The following NCOA3 variants were observed in gnomAD, a reference collection of about 807,000 sequenced individuals.
The protein encoded by NCOA3 is nuclear receptor coactivator 3, also known as CBP-interacting protein.
A neutral mutation model predicts 158.8 loss-of-function variants in NCOA3; 51 were observed. The observed-to-expected ratio is 0.32, with a 90% CI of 0.26 to 0.41. The LOEUF (loss-of-function observed/expected upper bound fraction) is 0.41, where lower values mean the gene tolerates loss of function less well. NCOA3 is among the 10% of genes least tolerant of loss of function. The probability of loss-of-function intolerance (pLI) is 1.00; values close to 1 mark genes in which losing one functional copy is unlikely to be tolerated. For missense variants in NCOA3, 1,510 were observed against 1,746.6 expected (o/e 0.86, Z 2.41); for synonymous variants, 537 against 592.4 (o/e 0.91, Z 1.36).
At chr20:47,573,315 C>T (rs1391026060) in intron 1 of NCOA3, among the ~76,000 whole-genome samples, 1 of 152,094 alleles carries the variant, frequency 6.6e-6, no homozygotes, top group Non-Finnish European at 1.5e-5. Context: ...ATTGCTTGAA[C>T]CCGGGAGGCG....
intron 1 of NCOA3, among the ~76,000 whole-genome samples, chr20:47,563,607 C>T (rs2085142281): frequency 6.6e-6 from 1 of 152,148 alleles, no homozygotes; most frequent in Non-Finnish European, 1.5e-5. Context: ...TGAGGCATGG[C>T]TGGGCACAGT....
intron 2 of NCOA3, among the ~76,000 whole-genome samples, chr20:47,587,076 A>G (rs1162023642): frequency 6.6e-6 from 1 of 152,058 alleles, no homozygotes; most frequent in African/African-American, 2.4e-5. Flanking sequence ...CCAGCTTTTT[A>G]TTGTGATGAT....
intron 1 of NCOA3, among the ~76,000 whole-genome samples, chr20:47,545,251 A>G (rs2084809579): frequency 7.1e-6 from 1 of 140,378 alleles, no homozygotes; most frequent in South Asian, 2.2e-4. Flanking sequence ...ATCTCGGCTC[A>G]CTGCAACCTC....
rs115261779 is a variant in NCOA3 at position 47,573,056 on chromosome 20, A to T, written c.-98-10127A>T. ...CTGATTAAGTTTACCATCTTATATG[A>T]GCACAGTGCATGGTGCCCCAAAACA... is the stretch of plus-strand genomic sequence containing the variant. On this transcript the variant is annotated intron_variant, in intron 1 of 22. Coordinates refer to ENST00000371998, the MANE Select transcript of NCOA3 (RefSeq NM_181659.3). 1.5e-3 allele frequency among the ~76,000 whole-genome samples: 222 copies of T among 152,320 alleles called. 2 individuals are homozygous for T. The highest frequency in any genetic ancestry group is 5.0e-3 in the African/African-American group (209 of 41,568).
intron 12 of NCOA3, 127 bp from the exon 13 acceptor site, chr20:47,637,521 A>G: frequency 1.6e-6 from 1 of 640,578 alleles, no homozygotes. Flanking sequence ...TCAGGTGGGT[A>G]TTATCATTGT....
intron 1 of NCOA3, among the ~76,000 whole-genome samples, chr20:47,505,003 G>GTTTTT (rs1166777115): frequency 0.011 from 323 of 28,532 alleles, 73 homozygotes; most frequent in Admixed American, 0.015. Flanking sequence ...TGGGTTTTTG[G>GTTTTT]TTTTTTTTTT....
At chr20:47,525,965 A>C in intron 1 of NCOA3, among the ~76,000 whole-genome samples, 1 of 111,706 alleles carries the variant, frequency 9.0e-6, no homozygotes, top group South Asian at 3.2e-4. Flanking sequence ...CCTCCCGGAC[A>C]AGGTGGCTGC....
chr20:47,643,190 A>G (rs1378936316), intron 17 of NCOA3, among the ~76,000 whole-genome samples: 1 of 152,268 alleles, frequency 6.6e-6, no homozygotes, highest in South Asian at 2.1e-4. Flanking sequence ...CTGGGATTAC[A>G]GGCGTGAGCC....
intron 2 of NCOA3, among the ~76,000 whole-genome samples, chr20:47,614,710 G>C (rs932849547): frequency 6.6e-5 from 10 of 152,128 alleles, no homozygotes; most frequent in Non-Finnish European, 1.5e-4. Flanking sequence ...CTTTTGCTGT[G>C]TGAGCCATTG....
In NCOA3 at chr20:47,558,232, ATTTTTTT is replaced by A. The variant is rs71183263; in HGVS notation, c.-98-24928_-98-24922del. Among the ~76,000 whole-genome samples the A allele has an allele frequency of 2.1e-3, 119 of 55,518 alleles. 1 individual carries two copies. Among genetic ancestry groups the A allele is most frequent in the African/African-American group, 7.4e-3 (114 of 15,474 alleles). The allele number at this position is 55,518 out of a possible 152,430, so 36.4% of individuals were successfully genotyped here. Reference sequence around the variant, plus strand: ...CACCTCCACGCCCAGCTAATTTTGTATTTTTTTTTTTTTTTTTTTTTTTTTTTTTAGT... The same window carrying A: ...CACCTCCACGCCCAGCTAATTTTGTATTTTTTTTTTTTTTTTTTTTTTAGT... On this transcript the variant is annotated intron_variant, in intron 1 of 22. Coordinates refer to ENST00000371998, the MANE Select transcript of NCOA3 (RefSeq NM_181659.3).
chr20:47,526,100 A>AGACGC (rs2146095265), intron 1 of NCOA3, among the ~76,000 whole-genome samples: 1 of 149,162 alleles, frequency 6.7e-6, no homozygotes, highest in African/African-American at 2.5e-5. Context: ...GGCCGGGCAG[A>AGACGC]GACGCTCCTC....
At chr20:47,527,007 A>C (rs1776305555) in intron 1 of NCOA3, among the ~76,000 whole-genome samples, 1 of 152,156 alleles carries the variant, frequency 6.6e-6, no homozygotes, top group Non-Finnish European at 1.5e-5. Flanking sequence ...TGAATAATTT[A>C]TTCTTAGTAT....
rs189971109 is a variant in NCOA3, at chr20:47,547,207, G to T, written c.-98-35976G>T. ...TTAGGTAGGTGTCTGGCATATGGTAGATGTTCATCATTCATTTGTCGAGTG... is the reference window on the plus strand; with the variant it reads ...TTAGGTAGGTGTCTGGCATATGGTATATGTTCATCATTCATTTGTCGAGTG... On this transcript the variant is annotated intron_variant, in intron 1 of 22. Coordinates refer to ENST00000371998, the MANE Select transcript of NCOA3 (RefSeq NM_181659.3). 1.6e-4 allele frequency among the ~76,000 whole-genome samples: 24 copies of T among 152,154 alleles called. No individual in the cohort carries two copies. In the Middle Eastern group the frequency reaches 0.01, roughly 65 times the overall value.
rs573523886 is a variant in NCOA3 at position 47,623,896 on chromosome 20, C to T, written c.84-15C>T. ...TTATGTCTCCTTTCCCCCCTTTCTA[C>T]GCCTTTTCCCTTAGTCTTACCTGCA... is the stretch of plus-strand genomic sequence containing the variant. On this transcript the variant is annotated splice_polypyrimidine_tract_variant and intron_variant, in intron 3 of 22. Coordinates refer to ENST00000371998, the MANE Select transcript of NCOA3 (RefSeq NM_181659.3). 13 of 1,602,126 alleles carry T rather than the reference C, an allele frequency of 8.1e-6. No homozygotes were observed. The highest frequency in any genetic ancestry group is 1.8e-4 in the Middle Eastern group (1 of 5,488).
At chr20:47,610,930 GTTT>G (rs1267474323) in intron 2 of NCOA3, among the ~76,000 whole-genome samples, 1 of 152,106 alleles carries the variant, frequency 6.6e-6, no homozygotes, top group Non-Finnish European at 1.5e-5. Flanking sequence ...TTGTTATTTT[GTTT>G]TTTACTCTAC....
intron 2 of NCOA3, among the ~76,000 whole-genome samples, chr20:47,600,319 C>T (rs917469750): frequency 2.6e-5 from 4 of 151,770 alleles, no homozygotes; most frequent in East Asian, 3.9e-4. Context: ...GGACTACAGG[C>T]GCCCACCACC....
At chr20:47,608,372 T>A (rs1184433056) in intron 2 of NCOA3, among the ~76,000 whole-genome samples, 1 of 151,992 alleles carries the variant, frequency 6.6e-6, no homozygotes, top group African/African-American at 2.4e-5. Flanking sequence ...GCTTGGTGGC[T>A]CATGCCTGTA....
intron 1 of NCOA3, among the ~76,000 whole-genome samples, chr20:47,562,165 C>A (rs759275605): frequency 1.3e-5 from 2 of 152,172 alleles, no homozygotes; most frequent in Non-Finnish European, 2.9e-5. Flanking sequence ...TGAAGGACAT[C>A]TTGGTTGCTT....
chr20:47,615,814 G>A (rs987547527), intron 2 of NCOA3, among the ~76,000 whole-genome samples: 14 of 152,226 alleles, frequency 9.2e-5, no homozygotes, highest in East Asian at 5.8e-4. Context: ...TAGAAATAGC[G>A]TTAGATTTTG....
Sources: gnomAD v4.1 joint callset for allele counts (sites outside exome capture counted in the v4.1 genomes callset) on GRCh38, gnomAD v4.1.1 for gene constraint, MANE v1.5 for transcripts, NCBI Gene and HGNC (gene_info 2026-07-23, HGNC 2026-07-21) for gene names.